The following LMO7 variants were observed in gnomAD, a reference collection of about 807,000 sequenced individuals.
LMO7 encodes LIM domain only protein 7.
LMO7 carries 120 observed loss-of-function variants against 206.5 expected under a neutral mutation model. The observed-to-expected ratio is 0.58, with a 90% CI of 0.50 to 0.68. The LOEUF (loss-of-function observed/expected upper bound fraction) is 0.68. Among genes scored for constraint, LMO7 ranks in the 30% least tolerant of loss-of-function variants. The pLI is 0.00. For missense variants in LMO7, 1,959 were observed against 1,957.9 expected, an observed-to-expected ratio of 1.00 and a Z score of -0.01; for synonymous variants, 706 against 681.5, an observed-to-expected ratio of 1.04 and a Z score of -0.56.
At chr13:75,741,396 C>T (rs965814688) in intron 3 of LMO7, among the ~76,000 whole-genome samples, 2 of 152,120 alleles carry the variant, frequency 1.3e-5, no homozygotes, top group Non-Finnish European at 2.9e-5. Flanking sequence ...TAGCCATTTA[C>T]TAAAAATAAG....
intron 2 of LMO7, among the ~76,000 whole-genome samples, chr13:75,624,194 G>A (rs551065169): frequency 6.6e-6 from 1 of 152,322 alleles, no homozygotes. Context: ...GTGCCATAAA[G>A]TAGAGCTATG....
chr13:75,744,244 A>G (rs2046649256), intron 3 of LMO7, among the ~76,000 whole-genome samples: 1 of 152,214 alleles, frequency 6.6e-6, no homozygotes, highest in East Asian at 1.9e-4. Flanking sequence ...AGTTGTTTCC[A>G]ATACCCTCAT....
intron 4 of LMO7, among the ~76,000 whole-genome samples, chr13:75,762,621 A>G (rs778751286): frequency 6.6e-6 from 1 of 152,170 alleles, no homozygotes; most frequent in Admixed American, 6.5e-5. Context: ...ACAAATTAGT[A>G]TCTGGGCTCT....
chr13:75,693,736 A>G (rs1160284154), intron 1 of LMO7, among the ~76,000 whole-genome samples: 1 of 152,138 alleles, frequency 6.6e-6, no homozygotes, highest in Non-Finnish European at 1.5e-5. Flanking sequence ...CTGTCTGCTC[A>G]GGGACTCTTG....
At chr13:75,732,969 A>G (rs1379218417) in intron 3 of LMO7, among the ~76,000 whole-genome samples, 2 of 152,032 alleles carry the variant, frequency 1.3e-5, no homozygotes, top group Non-Finnish European at 2.9e-5. Flanking sequence ...CTGCTGTCTG[A>G]TCGTTCCTCT....
rs75658984 is a variant in LMO7, at chr13:75,660,516, C to G, written c.69+23790C>G. 5.5e-3 allele frequency among the ~76,000 whole-genome samples: 844 copies of G among 152,286 alleles called. 14 individuals carry two copies. Among genetic ancestry groups the G allele is most frequent in the African/African-American group, 0.019 (791 of 41,548 alleles). On this transcript the variant is annotated intron_variant, in intron 1 of 30. Coordinates refer to ENST00000377534, the MANE Select transcript of LMO7 (RefSeq NM_001306080.2). ...TCTTGTTTCTTGGTTTTCACACTTG[C>G]ATTTTCCAACTTCTTGATTGGCTGG... is the stretch of plus-strand genomic sequence containing the variant.
At chr13:75,655,013 G>T (rs2037918542) in intron 1 of LMO7, among the ~76,000 whole-genome samples, 2 of 151,874 alleles carry the variant, frequency 1.3e-5, no homozygotes, top group African/African-American at 4.8e-5. Flanking sequence ...TGGGATTACA[G>T]GCACCTGTCA....
intron 1 of LMO7, among the ~76,000 whole-genome samples, chr13:75,668,168 A>G (rs1490004582): frequency 6.6e-6 from 1 of 152,234 alleles, no homozygotes; most frequent in Non-Finnish European, 1.5e-5. Context: ...AGATTGCGCC[A>G]CTACACCCCA....
intron 1 of LMO7, among the ~76,000 whole-genome samples, chr13:75,674,874 A>ATCTTTAAAAAATAGAGAC (rs1228976575): frequency 3.3e-5 from 5 of 152,196 alleles, no homozygotes; most frequent in Non-Finnish European, 1.5e-5. Flanking sequence ...GTGGTATCCA[A>ATCTTTAAAAAATAGAGAC]TCTTTAAAAA....
At chr13:75,716,804 T>A (rs1246915216) in intron 2 of LMO7, among the ~76,000 whole-genome samples, 2 of 152,166 alleles carry the variant, frequency 1.3e-5, no homozygotes, top group African/African-American at 4.8e-5. Context: ...CAAACATATT[T>A]GGTTGAGACA....
chr13:75,759,433 T>A (rs2047963057), intron 3 of LMO7, among the ~76,000 whole-genome samples: 1 of 152,198 alleles, frequency 6.6e-6, no homozygotes, highest in South Asian at 2.1e-4. Context: ...CTAACAAAAT[T>A]ATCACATTTT....
chr13:75,744,497 A>T (rs2046672777), intron 3 of LMO7, among the ~76,000 whole-genome samples: 1 of 152,212 alleles, frequency 6.6e-6, no homozygotes, highest in African/African-American at 2.4e-5. Context: ...TTGTTTCAGT[A>T]TTTGAGTAGG....
At chr13:75,839,360 A>G (rs760626915) in intron 20 of LMO7, among the ~76,000 whole-genome samples, 5 of 152,196 alleles carry the variant, frequency 3.3e-5, no homozygotes, top group Non-Finnish European at 7.3e-5. Context: ...AAAAAATTGT[A>G]TGTGAAGAAT....
intron 4 of LMO7, among the ~76,000 whole-genome samples, chr13:75,785,123 A>T (rs970627147): frequency 2.0e-5 from 3 of 152,194 alleles, no homozygotes; most frequent in Non-Finnish European, 1.5e-5. Context: ...TTTAGGAAAG[A>T]AATTATTGGC....
At chr13:75,709,113 A>C (rs371876852) in intron 1 of LMO7, among the ~76,000 whole-genome samples, 59 of 152,118 alleles carry the variant, frequency 3.9e-4, no homozygotes, top group African/African-American at 1.0e-3. Context: ...CATGTCCCTA[A>C]AAAGGACATG....
At chr13:75,724,180 G>A (rs2044264385) in intron 2 of LMO7, among the ~76,000 whole-genome samples, 1 of 152,158 alleles carries the variant, frequency 6.6e-6, no homozygotes, top group Non-Finnish European at 1.5e-5. Flanking sequence ...TGAAGGAGAA[G>A]GAGAGAAATT....
In LMO7 at chr13:75,822,825, A is replaced by AATAT. The variant is rs35183302; in HGVS notation, c.2641-724_2641-721dup. On this transcript the variant is annotated intron_variant, in intron 14 of 30. Transcript: ENST00000377534. The stretch of plus-strand genomic sequence containing the variant: ...TCTAAAAATTATATATATATAATAA[A>AATAT]ATATATATATATATATATAAAACTT... Among the ~76,000 whole-genome samples, 24 of 132,900 alleles carry AATAT rather than the reference A, an allele frequency of 1.8e-4. 1 individual carries two copies. The South Asian group carries it at 3.6e-3, about 20-fold the overall frequency. 87.2% of individuals were successfully genotyped at this position (132,900 alleles called of 152,430 possible).
intron 1 of LMO7, among the ~76,000 whole-genome samples, chr13:75,678,507 G>T (rs770706137): frequency 2.6e-5 from 4 of 152,106 alleles, no homozygotes; most frequent in Non-Finnish European, 5.9e-5. Flanking sequence ...GTTTCCAAAT[G>T]GGGCTCTGTG....
rs1227220589 is a variant in LMO7 at position 75,653,920 on chromosome 13, A to G, written c.69+17194A>G. 2.6e-5 allele frequency among the ~76,000 whole-genome samples: 4 copies of G among 152,326 alleles called. No homozygotes were observed. The South Asian group carries it at 8.3e-4, about 32-fold the overall frequency. On this transcript the variant is annotated intron_variant, in intron 1 of 30. Transcript: ENST00000377534. ...CCTGAAAGCTAGCAAATAAGTTAGC[A>G]AATGTATAATTTCATTGTGTGCTTT...
Sources: allele counts gnomAD v4.1 joint callset (sites outside exome capture counted in the v4.1 genomes callset), GRCh38; gene constraint gnomAD v4.1.1; transcripts MANE v1.5; gene names NCBI Gene and HGNC (gene_info 2026-07-23, HGNC 2026-07-21).